The following LMX1A variants were observed in gnomAD, a reference collection of about 807,000 sequenced individuals.
The protein encoded by LMX1A is LIM homeobox transcription factor 1-alpha.
A neutral mutation model predicts 49.1 loss-of-function variants in LMX1A; 15 were observed. The observed-to-expected ratio is 0.31, with a 90% confidence interval of 0.20 to 0.47. The LOEUF is 0.47. Among genes scored for constraint, LMX1A ranks in the 20% least tolerant of loss-of-function variants. The probability of loss-of-function intolerance (pLI) is 1.00; values close to 1 mark genes in which losing one functional copy is unlikely to be tolerated. For missense variants in LMX1A, 372 were observed against 475.8 expected, an observed-to-expected ratio of 0.78 and a Z score of 2.03; for synonymous variants, 167 against 185.7, an observed-to-expected ratio of 0.90 and a Z score of 0.82.
intron 2 of LMX1A, among the ~76,000 whole-genome samples, chr1:165,353,902 A>AG (rs1396643218): frequency 2.6e-5 from 4 of 152,126 alleles, no homozygotes; most frequent in Non-Finnish European, 5.9e-5. Flanking sequence ...AAACAGAGGG[A>AG]GGGAAAAAAA....
intron 3 of LMX1A, among the ~76,000 whole-genome samples, chr1:165,296,628 G>A (rs368600668): frequency 5.3e-5 from 8 of 152,294 alleles, no homozygotes; most frequent in African/African-American, 1.7e-4. Flanking sequence ...TGGTATAAAC[G>A]GCAGATGTCT....
At chr1:165,227,805 G>A (rs1652089265) in intron 4 of LMX1A, among the ~76,000 whole-genome samples, 1 of 152,062 alleles carries the variant, frequency 6.6e-6, no homozygotes, top group Non-Finnish European at 1.5e-5. Flanking sequence ...ATTAATATGA[G>A]CAAATACCAA....
chr1:165,346,255 C>T (rs1340345348), intron 3 of LMX1A, among the ~76,000 whole-genome samples: 3 of 152,142 alleles, frequency 2.0e-5, no homozygotes, highest in Admixed American at 6.5e-5. Flanking sequence ...TGCAAGGAGA[C>T]GTTGGAGGCC....
intron 4 of LMX1A, among the ~76,000 whole-genome samples, chr1:165,247,954 C>A (rs368452967): frequency 1.3e-5 from 2 of 152,226 alleles, no homozygotes; most frequent in Non-Finnish European, 2.9e-5. Context: ...CACTCTTTAA[C>A]AAAGAGTTTA....
intron 4 of LMX1A, among the ~76,000 whole-genome samples, chr1:165,247,687 G>A (rs1392189044): frequency 2.0e-5 from 3 of 152,148 alleles, no homozygotes; most frequent in South Asian, 4.2e-4. Context: ...ACTGACTAGT[G>A]GATGTTAAGC....
intron 3 of LMX1A, among the ~76,000 whole-genome samples, chr1:165,279,972 G>T (rs1654098288): frequency 6.6e-6 from 1 of 151,940 alleles, no homozygotes; most frequent in African/African-American, 2.4e-5. Context: ...TTTTTGGCTG[G>T]AGTACCAGAG....
At chr1:165,248,331 G>A (rs1652931970) in intron 4 of LMX1A, among the ~76,000 whole-genome samples, 1 of 152,160 alleles carries the variant, frequency 6.6e-6, no homozygotes, top group Non-Finnish European at 1.5e-5. Flanking sequence ...AGGCCAAAGG[G>A]ATGGATAGAG....
At chr1:165,290,802 T>C (rs1469550032) in intron 3 of LMX1A, among the ~76,000 whole-genome samples, 11 of 152,216 alleles carry the variant, frequency 7.2e-5, no homozygotes, top group African/African-American at 1.7e-4. Context: ...GGAGAATTTT[T>C]TGGAAAGGTA....
At chr1:165,236,228 G>T (rs563019941) in intron 4 of LMX1A, among the ~76,000 whole-genome samples, 2 of 152,238 alleles carry the variant, frequency 1.3e-5, no homozygotes, top group Non-Finnish European at 2.9e-5. Context: ...CTAAGGCTGG[G>T]GAGAGGGAAG....
intron 3 of LMX1A, among the ~76,000 whole-genome samples, chr1:165,339,406 C>G (rs1392259237): frequency 6.6e-6 from 1 of 152,226 alleles, no homozygotes; most frequent in Non-Finnish European, 1.5e-5. Context: ...GCTTATAGAC[C>G]TGTCTTGGGG....
At position 165,261,930 on chromosome 1, in the gene LMX1A, T is replaced by C. The variant is rs1340039831; in HGVS notation, c.264-12290A>G. Among the ~76,000 whole-genome samples, 2 of 152,224 alleles carry C rather than the reference T, an allele frequency of 1.3e-5. 1 individual carries two copies. The highest frequency in any genetic ancestry group is 2.9e-5 in the Non-Finnish European group (2 of 68,028). ...TTAGTTTGCAAGATAAAAAGACTTA[T>C]GTGGATAGACAGTGGTGATAGTAGC... On this transcript the variant is annotated intron_variant, in intron 3 of 8. Transcript: ENST00000342310.
chr1:165,270,053 AT>A (rs374701983), intron 3 of LMX1A, among the ~76,000 whole-genome samples: 56 of 152,168 alleles, frequency 3.7e-4, no homozygotes, highest in African/African-American at 8.4e-4. Flanking sequence ...CTTAAAAAAA[AT>A]ATATTAAAAA....
chr1:165,239,678 C>G (rs1341010958), intron 4 of LMX1A, among the ~76,000 whole-genome samples: 2 of 152,202 alleles, frequency 1.3e-5, no homozygotes, highest in Non-Finnish European at 2.9e-5. Flanking sequence ...TGCCTATCAT[C>G]CAGAGATGCC....
chr1:165,292,725 T>C (rs1654509044), intron 3 of LMX1A, among the ~76,000 whole-genome samples: 1 of 137,576 alleles, frequency 7.3e-6, no homozygotes, highest in Middle Eastern at 3.5e-3. Flanking sequence ...ACCCAGGGAA[T>C]TGGAGCAGAT....
intron 3 of LMX1A, among the ~76,000 whole-genome samples, chr1:165,298,023 A>G (rs1456531631): frequency 6.6e-6 from 1 of 152,254 alleles, no homozygotes; most frequent in Non-Finnish European, 1.5e-5. Context: ...ATGTGGCATA[A>G]AGACAATGCA....
chr1:165,248,822 T>G (rs931811292), intron 4 of LMX1A, among the ~76,000 whole-genome samples: 7 of 152,102 alleles, frequency 4.6e-5, no homozygotes, highest in Non-Finnish European at 8.8e-5. Context: ...TGGGCAAGGG[T>G]TTGTGGTGCA....
At chr1:165,330,470 C>T (rs1166448554) in intron 3 of LMX1A, among the ~76,000 whole-genome samples, 1 of 152,184 alleles carries the variant, frequency 6.6e-6, no homozygotes, top group Admixed American at 6.6e-5. Flanking sequence ...GACCTTGTCT[C>T]AAAAATAAAC....
intron 3 of LMX1A, among the ~76,000 whole-genome samples, chr1:165,268,054 T>G: frequency 6.6e-6 from 1 of 151,940 alleles, no homozygotes. Context: ...AGGAGGGAAG[T>G]TGGGGAGGAG....
chr1:165,266,595 CTTTTTTT>C (rs61551654), intron 3 of LMX1A, among the ~76,000 whole-genome samples: 42 of 79,188 alleles, frequency 5.3e-4, no homozygotes, highest in Admixed American at 2.6e-3. Flanking sequence ...TTCTTTCTTT[CTTTTTTT>C]TTTTTTTTTT....
Sources: gnomAD v4.1 joint callset for allele counts (sites outside exome capture counted in the v4.1 genomes callset) on GRCh38, gnomAD v4.1.1 for gene constraint, MANE v1.5 for transcripts, NCBI Gene and HGNC (gene_info 2026-07-23, HGNC 2026-07-21) for gene names.